DAB1: variants seen among roughly 807,000 people sequenced by gnomAD.
The protein encoded by DAB1 is disabled homolog 1.
In DAB1, 15 loss-of-function variants were observed where a neutral mutation model predicts 64.6. The observed-to-expected ratio is 0.23, with a 90% confidence interval of 0.16 to 0.36. The LOEUF (loss-of-function observed/expected upper bound fraction) is 0.36, where lower values mean the gene tolerates loss of function less well. DAB1 is among the 10% of genes least tolerant of loss of function. The probability of loss-of-function intolerance (pLI) is 1.00; values close to 1 mark genes in which losing one functional copy is unlikely to be tolerated. For synonymous variants in DAB1, 235 were observed against 251.9 expected (o/e 0.93, Z 0.64); for missense variants, 596 against 706.7 (o/e 0.84, Z 1.78).
At chr1:57,961,848 T>C (rs1570090642) in intron 5 of DAB1, among the ~76,000 whole-genome samples, 1 of 152,044 alleles carries the variant, frequency 6.6e-6, no homozygotes, top group African/African-American at 2.4e-5. Context: ...GGTGGTGTCC[T>C]GTAATCCCAG....
At chr1:57,264,032 C>T (rs1473058234) in intron 2 of DAB1, among the ~76,000 whole-genome samples, 4 of 152,142 alleles carry the variant, frequency 2.6e-5, no homozygotes, top group Non-Finnish European at 4.4e-5. Flanking sequence ...TTCTGCTTCC[C>T]AACTCTTGTG....
At chr1:57,141,211 G>A (rs61765327) in intron 3 of DAB1, among the ~76,000 whole-genome samples, 1,530 of 152,196 alleles carry the variant, frequency 0.01, 28 homozygotes, top group East Asian at 0.056. Context: ...GGGAATATAA[G>A]TATCTTTCTC....
At chr1:58,309,722 T>G (rs891381732) in intron 4 of DAB1, among the ~76,000 whole-genome samples, 10 of 152,092 alleles carry the variant, frequency 6.6e-5, no homozygotes, top group African/African-American at 2.4e-4. Flanking sequence ...TTCCCAATAA[T>G]AATGAAGACC....
At chr1:58,183,977 C>T (rs1460164959) in intron 4 of DAB1, among the ~76,000 whole-genome samples, 1 of 147,286 alleles carries the variant, frequency 6.8e-6, no homozygotes, top group Non-Finnish European at 1.5e-5. Flanking sequence ...ATTGCTATTG[C>T]TTTTAACAAC....
intron 6 of DAB1, among the ~76,000 whole-genome samples, chr1:57,734,819 A>ATG (rs1408646170): frequency 2.2e-4 from 33 of 152,370 alleles, no homozygotes; most frequent in Non-Finnish European, 2.9e-4. Context: ...ACCAGCTACC[A>ATG]GTAAACAACA....
chr1:56,998,663 A>C, intron 14 of DAB1, among the ~76,000 whole-genome samples: 1 of 152,208 alleles, frequency 6.6e-6, no homozygotes, highest in East Asian at 1.9e-4. Context: ...CTCTTCTACA[A>C]ATAGTGATGC....
chr1:57,680,800 C>T (rs141392703), intron 6 of DAB1, among the ~76,000 whole-genome samples: 5 of 152,220 alleles, frequency 3.3e-5, no homozygotes, highest in East Asian at 3.9e-4. Flanking sequence ...GAAAACCATG[C>T]GATAGTACAG....
chr1:58,442,870 G>A (rs1645027515), intron 3 of DAB1, among the ~76,000 whole-genome samples: 1 of 152,144 alleles, frequency 6.6e-6, no homozygotes, highest in African/African-American at 2.4e-5. Context: ...GGGCAAGAGA[G>A]TGAGACTCTG....
chr1:57,014,545 T>C (rs1390623865), intron 12 of DAB1, among the ~76,000 whole-genome samples: 1 of 152,212 alleles, frequency 6.6e-6, no homozygotes, highest in Admixed American at 6.5e-5. Flanking sequence ...CAGAGTAACA[T>C]GGTGGAAAAA....
intron 5 of DAB1, among the ~76,000 whole-genome samples, chr1:58,120,636 G>A (rs1023746694): frequency 1.3e-5 from 2 of 152,096 alleles, no homozygotes; most frequent in African/African-American, 4.8e-5. Context: ...CAAGGCAATG[G>A]CACTAAAAGA....
At chr1:57,378,982 A>C (rs981647590) in intron 1 of DAB1, among the ~76,000 whole-genome samples, 2 of 152,216 alleles carry the variant, frequency 1.3e-5, no homozygotes, top group Admixed American at 6.5e-5. Context: ...GCAAATGTCA[A>C]AAGACCTAGC....
At chr1:58,206,620 C>T (rs1404068596) in intron 4 of DAB1, among the ~76,000 whole-genome samples, 1 of 152,230 alleles carries the variant, frequency 6.6e-6, no homozygotes, top group African/African-American at 2.4e-5. Context: ...AATTTCTAGA[C>T]AACATACCTT....
chr1:57,439,418 G>GTTTTTTGTTTTTTTTTTT, intron 7 of DAB1, among the ~76,000 whole-genome samples: 6 of 116,140 alleles, frequency 5.2e-5, no homozygotes, highest in Non-Finnish European at 6.8e-5. Context: ...TGGTGATGAG[G>GTTTTTTGTTTTTTTTTTT]TTTTTTCTTT....
chr1:57,931,954 C>A (rs896580478), intron 5 of DAB1, among the ~76,000 whole-genome samples: 13 of 151,864 alleles, frequency 8.6e-5, no homozygotes, highest in Non-Finnish European at 1.8e-4. Flanking sequence ...AATTTTAGAT[C>A]TTTCTTCTTT....
chr1:58,364,174 G>A (rs1357510818), intron 3 of DAB1, among the ~76,000 whole-genome samples: 6 of 152,204 alleles, frequency 3.9e-5, no homozygotes, highest in African/African-American at 7.2e-5. Context: ...CTGGAACTGG[G>A]ATGTGAACCC....
intron 6 of DAB1, among the ~76,000 whole-genome samples, chr1:57,679,089 A>G (rs1646605901): frequency 6.6e-6 from 1 of 152,140 alleles, no homozygotes; most frequent in Admixed American, 6.5e-5. Context: ...GGCAACTGTT[A>G]TCTTCATTTT....
chr1:57,770,022 G>C (rs1294216564), intron 6 of DAB1, among the ~76,000 whole-genome samples: 1 of 152,116 alleles, frequency 6.6e-6, no homozygotes, highest in Non-Finnish European at 1.5e-5. Context: ...CTTAAGGGCA[G>C]CATTGGATTA....
chr1:58,523,283 CACA>C (rs1415182085), intron 2 of DAB1, among the ~76,000 whole-genome samples: 1 of 152,196 alleles, frequency 6.6e-6, no homozygotes, highest in Non-Finnish European at 1.5e-5. Flanking sequence ...TGTGGTCACG[CACA>C]ACATCTGGAT....
At chr1:58,359,453 C>A (rs927254266) in intron 3 of DAB1, among the ~76,000 whole-genome samples, 17 of 152,172 alleles carry the variant, frequency 1.1e-4, no homozygotes, top group African/African-American at 4.1e-4. Context: ...ATCCACTTCC[C>A]CTAAATGCAG....
Sources: gnomAD v4.1 joint callset for allele counts (sites outside exome capture counted in the v4.1 genomes callset) on GRCh38, gnomAD v4.1.1 for gene constraint, MANE v1.5 for transcripts, NCBI Gene and HGNC (gene_info 2026-07-23, HGNC 2026-07-21) for gene names.